The following TENM3 variants were observed in gnomAD, a reference collection of about 807,000 sequenced individuals.
TENM3 encodes teneurin transmembrane protein 3.
Under a neutral mutation model 255.1 loss-of-function variants are expected in TENM3, and 63 were observed. That is an observed-to-expected ratio of 0.25 (90% CI 0.20 to 0.30). TENM3 has a LOEUF of 0.30. Among genes scored for constraint, TENM3 ranks in the 10% least tolerant of loss-of-function variants. The pLI is 1.00. For missense variants in TENM3, 2,929 were observed against 3,461.1 expected (o/e 0.85, Z 3.86); for synonymous variants, 1,306 against 1,322.3 (o/e 0.99, Z 0.27).
the TENM3 span, among the ~76,000 whole-genome samples, chr4:181,919,082 AC>A: frequency 2.6e-5 from 4 of 152,158 alleles, no homozygotes; most frequent in African/African-American, 9.7e-5. Flanking sequence ...TTGAAGACTG[AC>A]CCAGTGCGAG....
the TENM3 span, among the ~76,000 whole-genome samples, chr4:181,600,870 T>C: frequency 6.6e-6 from 1 of 151,684 alleles, no homozygotes; most frequent in African/African-American, 2.4e-5. Context: ...CTTGACTTAG[T>C]CTCAATTTGG....
chr4:182,236,497 C>A (rs916763038), intron 1 of TENM3, among the ~76,000 whole-genome samples: 1 of 152,170 alleles, frequency 6.6e-6, no homozygotes, highest in Non-Finnish European at 1.5e-5. Flanking sequence ...TCATGATATG[C>A]TCATCCCTGG....
At chr4:181,751,290 T>G in the TENM3 span, among the ~76,000 whole-genome samples, 5 of 151,934 alleles carry the variant, frequency 3.3e-5, no homozygotes, top group African/African-American at 1.2e-4. Context: ...AAGAGTCCAG[T>G]CTTTTAACTC....
intron 3 of TENM3, chr4:182,448,916 C>T (rs1429309005): frequency 5.8e-6 from 2 of 345,392 alleles, no homozygotes; most frequent in African/African-American, 2.2e-5. Context: ...CGCACCGCCC[C>T]CTCGGCGGCC....
the TENM3 span, among the ~76,000 whole-genome samples, chr4:181,549,450 A>T: frequency 3.3e-5 from 5 of 152,218 alleles, no homozygotes; most frequent in African/African-American, 9.7e-5. Context: ...GCTTACCAGT[A>T]TGGACCAGAG....
At chr4:182,299,551 G>C (rs1280885399) in intron 1 of TENM3, among the ~76,000 whole-genome samples, 2 of 152,220 alleles carry the variant, frequency 1.3e-5, no homozygotes. Context: ...ACATTTTAGT[G>C]TGCATCAAGG....
chr4:182,576,247 G>A (rs1744903470), intron 3 of TENM3, among the ~76,000 whole-genome samples: 1 of 152,096 alleles, frequency 6.6e-6, no homozygotes, highest in Admixed American at 6.6e-5. Flanking sequence ...AGTGGCTTCT[G>A]TGGAAAAACA....
intron 12 of TENM3, among the ~76,000 whole-genome samples, chr4:182,704,781 G>C (rs940269111): frequency 6.7e-6 from 1 of 149,100 alleles, no homozygotes; most frequent in Non-Finnish European, 1.5e-5. Flanking sequence ...TAGGGGAGCA[G>C]ATCCCTTTAA....
At chr4:182,371,551 G>A (rs1000336468) in intron 3 of TENM3, among the ~76,000 whole-genome samples, 1 of 152,010 alleles carries the variant, frequency 6.6e-6, no homozygotes, top group African/African-American at 2.4e-5. Context: ...GTAAATTTCT[G>A]TGTAATTTCC....
chr4:181,839,466 A>C, the TENM3 span, among the ~76,000 whole-genome samples: 1 of 146,764 alleles, frequency 6.8e-6, no homozygotes, highest in Non-Finnish European at 1.5e-5. Context: ...ATATCTATAT[A>C]TATATACAAA....
At chr4:181,781,250 G>A in the TENM3 span, among the ~76,000 whole-genome samples, 1,699 of 152,114 alleles carry the variant, frequency 0.011, 19 homozygotes, top group South Asian at 0.047. Flanking sequence ...CTTCCTATCC[G>A]TGAGCATGGA....
At chr4:182,684,843 G>T (rs960075576) in intron 11 of TENM3, among the ~76,000 whole-genome samples, 1 of 152,164 alleles carries the variant, frequency 6.6e-6, no homozygotes. Flanking sequence ...CAATCTAATG[G>T]CATAAAACTA....
At chr4:181,669,672 CTGAT>C in the TENM3 span, among the ~76,000 whole-genome samples, 1 of 152,170 alleles carries the variant, frequency 6.6e-6, no homozygotes, top group African/African-American at 2.4e-5. Context: ...CCTACAAGAA[CTGAT>C]TGCTTCTCTG....
the TENM3 span, among the ~76,000 whole-genome samples, chr4:181,462,009 T>C: frequency 6.6e-6 from 1 of 152,200 alleles, no homozygotes; most frequent in Non-Finnish European, 1.5e-5. Flanking sequence ...GTATTGGGCC[T>C]TGTCCTGGGT....
chr4:181,473,046 AAG>A, the TENM3 span, among the ~76,000 whole-genome samples: 2 of 152,212 alleles, frequency 1.3e-5, no homozygotes, highest in South Asian at 2.1e-4. Flanking sequence ...CACAAAATGA[AAG>A]AGGAAAGTGT....
At chr4:181,839,252 G>T in the TENM3 span, among the ~76,000 whole-genome samples, 1 of 146,884 alleles carries the variant, frequency 6.8e-6, no homozygotes, top group African/African-American at 2.5e-5. Flanking sequence ...ATAATATAAA[G>T]AACTCCCACT....
chr4:182,650,513 C>T (rs2152509096), intron 5 of TENM3, among the ~76,000 whole-genome samples: 1 of 150,080 alleles, frequency 6.7e-6, no homozygotes. Flanking sequence ...GCCAGATACC[C>T]CATTTAGTTT....
chr4:181,509,608 C>T, the TENM3 span, among the ~76,000 whole-genome samples: 1 of 152,100 alleles, frequency 6.6e-6, no homozygotes, highest in Admixed American at 6.5e-5. Context: ...GGTGGGCCTT[C>T]TTAAGGTCAC....
the TENM3 span, among the ~76,000 whole-genome samples, chr4:181,945,002 A>G: frequency 6.6e-5 from 10 of 152,198 alleles, no homozygotes; most frequent in African/African-American, 2.4e-4. Context: ...GGTTGATCTG[A>G]TATTGCAAAC....
Sources: allele counts gnomAD v4.1 joint callset (sites outside exome capture counted in the v4.1 genomes callset), GRCh38; gene constraint gnomAD v4.1.1; transcripts MANE v1.5; gene names NCBI Gene and HGNC (gene_info 2026-07-23, HGNC 2026-07-21).